NCKAP1: variants seen among roughly 807,000 people sequenced by gnomAD.
NCKAP1 encodes the protein nck-associated protein 1.
In NCKAP1, 21 loss-of-function variants were observed where a neutral mutation model predicts 151.2. The ratio of observed to expected loss-of-function variants is 0.14; its 90% CI spans 0.10 to 0.20. The LOEUF (loss-of-function observed/expected upper bound fraction) is 0.20. Ranked by LOEUF, NCKAP1 falls within the 10% of genes least tolerant of loss-of-function variation. The probability of loss-of-function intolerance (pLI) is 1.00; values close to 1 mark genes in which losing one functional copy is unlikely to be tolerated. For missense variants in NCKAP1, 933 were observed against 1,352.1 expected (o/e 0.69, Z 4.86); for synonymous variants, 484 against 451.8 (o/e 1.07, Z -0.90).
intron 3 of NCKAP1, 92 bp downstream of exon 3, chr2:183,003,141 T>G: frequency 7.8e-7 from 1 of 1,286,396 alleles, no homozygotes; most frequent in East Asian, 2.5e-5. Flanking sequence ...AATTTCAATT[T>G]TATTATTTAC....
In NCKAP1 at chr2:182,969,996, A is replaced by G. The variant is rs530269298; in HGVS notation, c.1483-2635T>C. On this transcript the variant is annotated intron_variant, in intron 15 of 30. Transcript: ENST00000361354. ...CAAGGATTAGAGATTATGAGCAACT[A>G]TATGTCAAAGAACTGGAAAACCGAC... Among the ~76,000 whole-genome samples the G allele has an allele frequency of 4.6e-5, 7 of 152,240 alleles. No individual in the cohort carries two copies. The South Asian group carries it at 1.0e-3, about 23-fold the overall frequency.
intron 1 of NCKAP1, 69 bp from the exon 2 acceptor site, chr2:183,023,985 C>T (rs887693811): frequency 5.3e-6 from 6 of 1,138,488 alleles, no homozygotes; most frequent in Non-Finnish European, 7.8e-6. Context: ...AGCAAATCTG[C>T]AATTAGAAAT....
chr2:182,987,733 T>C (rs1451104504), intron 9 of NCKAP1, among the ~76,000 whole-genome samples: 1 of 152,238 alleles, frequency 6.6e-6, no homozygotes, highest in Non-Finnish European at 1.5e-5. Context: ...AAAGCCCATC[T>C]TGCACATAAT....
intron 1 of NCKAP1, among the ~76,000 whole-genome samples, chr2:183,025,743 A>C (rs1698882667): frequency 6.6e-6 from 1 of 152,218 alleles, no homozygotes; most frequent in Non-Finnish European, 1.5e-5. Flanking sequence ...TAAGAATAAT[A>C]ATCACATACT....
chr2:183,033,396 G>C (rs1699042913), intron 1 of NCKAP1, among the ~76,000 whole-genome samples: 1 of 152,148 alleles, frequency 6.6e-6, no homozygotes, highest in African/African-American at 2.4e-5. Flanking sequence ...GTACAAATGT[G>C]ACTCTCCTCT....
chr2:182,975,925 A>C (rs1285620496), intron 15 of NCKAP1, among the ~76,000 whole-genome samples: 3 of 152,148 alleles, frequency 2.0e-5, no homozygotes, highest in Admixed American at 2.0e-4. Context: ...ATAAATAAGT[A>C]AATATTTTTT....
At chr2:183,010,141 G>GAACT (rs975105051) in intron 2 of NCKAP1, among the ~76,000 whole-genome samples, 3 of 152,276 alleles carry the variant, frequency 2.0e-5, no homozygotes, top group African/African-American at 7.2e-5. Context: ...CCTTGCAATA[G>GAACT]AACTCTACTG....
chr2:182,961,267 A>G (rs929144016), intron 18 of NCKAP1, among the ~76,000 whole-genome samples: 1 of 152,226 alleles, frequency 6.6e-6, no homozygotes, highest in Admixed American at 6.5e-5. Flanking sequence ...ATGCTGCTAT[A>G]AAGACACATG....
At chr2:182,973,785 C>T (rs1272619699) in intron 15 of NCKAP1, among the ~76,000 whole-genome samples, 2 of 152,112 alleles carry the variant, frequency 1.3e-5, no homozygotes, top group African/African-American at 4.8e-5. Context: ...TACAGTAATC[C>T]TTTATACTCA....
chr2:183,036,918 A>C (rs1340222569), intron 1 of NCKAP1, among the ~76,000 whole-genome samples: 2 of 152,190 alleles, frequency 1.3e-5, no homozygotes, highest in East Asian at 1.9e-4. Flanking sequence ...AAAAGCCAAC[A>C]AATAGTTATG....
Position 182,964,703 on chromosome 2 carries a change from A to G in NCKAP1, c.1734T>C (p.Ser578=). 1 of 1,603,750 alleles carries G rather than the reference A, an allele frequency of 6.2e-7. No homozygotes were observed. The highest frequency in any genetic ancestry group is 8.5e-7 in the Non-Finnish European group (1 of 1,174,800). Residue 578 remains serine (S), a synonymous_variant, in exon 17 of 31, where the codon AGT becomes AGC. Coordinates refer to ENST00000361354, the MANE Select transcript of NCKAP1 (RefSeq NM_013436.5). ...CTTCTGGACATAGTTCATGCGTGCA[A>G]CTCATAAAATGAGTGCAAAGTAGTG... ...AFPLLCTHFM[S]CTHELCPEER...
chr2:182,949,617 T>C (rs1026038497), intron 23 of NCKAP1, among the ~76,000 whole-genome samples: 2 of 152,022 alleles, frequency 1.3e-5, no homozygotes, highest in African/African-American at 4.8e-5. Flanking sequence ...GCTTGGGCAA[T>C]ATGGCGAAAC....
In NCKAP1 at chr2:183,022,120, TG is replaced by T. The variant is rs140634359; in HGVS notation, c.219+1685del. Among the ~76,000 whole-genome samples, 142 of 152,296 alleles carry T rather than the reference TG, an allele frequency of 9.3e-4. No individual in the cohort carries two copies. The East Asian group carries it at 0.026, about 28-fold the overall frequency. ...GTCTGCTGACAACAGACAATTTTAC[TG>T]TTGTTTCACCAGATACTTCTAATTC... On this transcript the variant is annotated intron_variant, in intron 2 of 30. Transcript: ENST00000361354.
At chr2:182,962,305 T>C (rs1423793135) in intron 17 of NCKAP1, 27 bp from the exon 18 acceptor site, 4 of 1,557,832 alleles carry the variant, frequency 2.6e-6, no homozygotes, top group African/African-American at 2.7e-5. Context: ...ATAATAATAA[T>C]ACAAGTTATA....
At position 183,023,813 on chromosome 2, in the gene NCKAP1, T is replaced by G. The variant is rs767863992; in HGVS notation, c.212A>C (p.Asn71Thr). 11 of 1,606,378 alleles carry G rather than the reference T, an allele frequency of 6.8e-6. No individual in the cohort carries two copies. Among genetic ancestry groups the G allele is most frequent in the Non-Finnish European group, 7.7e-6 (9 of 1,173,724 alleles). Reference sequence around the variant, plus strand: ...AAAATTTAGATAACTTACATTGTTGTTGCGGGTTTCTACAGCAGGGAATTT... The same window carrying G: ...AAAATTTAGATAACTTACATTGTTGGTGCGGGTTTCTACAGCAGGGAATTT... ...VRKFPAVETR[N>T]NNQQLAQLQK... is the part of the protein sequence containing the mutation. Residue 71 changes from asparagine to threonine, a missense_variant, in exon 2 of 31, where the codon AAC becomes ACC. Asn to Thr is a moderately conservative substitution (Grantham distance 65). This residue lies in a region of NCKAP1 where 607 missense variants were observed against 795.0 expected (regional missense o/e 0.76). Coordinates refer to ENST00000361354, the MANE Select transcript of NCKAP1 (RefSeq NM_013436.5).
intron 19 of NCKAP1, 56 bp downstream of exon 19, chr2:182,957,401 A>G (rs966273021): frequency 1.9e-6 from 3 of 1,540,722 alleles, no homozygotes; most frequent in African/African-American, 2.8e-5. Context: ...CAATAGAAAA[A>G]AATGAAATAA....
intron 26 of NCKAP1, among the ~76,000 whole-genome samples, chr2:182,932,300 G>A (rs1559070816): frequency 6.6e-6 from 1 of 152,074 alleles, no homozygotes; most frequent in Non-Finnish European, 1.5e-5. Context: ...ATTAAAAAAA[G>A]TACTGATATA....
intron 14 of NCKAP1, 74 bp from the exon 15 acceptor site, chr2:182,977,025 T>G (rs1697837908): frequency 9.4e-7 from 1 of 1,058,248 alleles, no homozygotes; most frequent in Non-Finnish European, 1.3e-6. Flanking sequence ...CATTTTAAAT[T>G]TTAAGAGCTA....
intron 8 of NCKAP1, among the ~76,000 whole-genome samples, chr2:182,989,643 C>A (rs1698127476): frequency 6.6e-6 from 1 of 152,058 alleles, no homozygotes; most frequent in Admixed American, 6.6e-5. Flanking sequence ...GCCCAGGAGG[C>A]AGAGGTTGCA....
Sources: allele counts gnomAD v4.1 joint callset (sites outside exome capture counted in the v4.1 genomes callset), GRCh38; gene constraint gnomAD v4.1.1; regional missense constraint gnomAD v4.1.1; transcripts MANE v1.5; gene names NCBI Gene and HGNC (gene_info 2026-07-23, HGNC 2026-07-21).